Variants in PSMB7 observed in about 807,000 individuals in gnomAD.
The protein encoded by PSMB7 is proteasome subunit beta type-7.
A neutral mutation model predicts 28.1 loss-of-function variants in PSMB7; 5 were observed. That is an observed-to-expected ratio of 0.18 (90% confidence interval 0.09 to 0.37). The LOEUF is 0.37. PSMB7 is among the 10% of genes least tolerant of loss of function. The probability of loss-of-function intolerance (pLI) is 1.00; values close to 1 mark genes in which losing one functional copy is unlikely to be tolerated. For synonymous variants in PSMB7, 122 were observed against 123.7 expected (o/e 0.99, Z 0.09); for missense variants, 275 against 346.2 (o/e 0.79, Z 1.63).
At chr9:124,373,681 C>A (rs1161714588) in intron 6 of PSMB7, among the ~76,000 whole-genome samples, 3 of 152,196 alleles carry the variant, frequency 2.0e-5, no homozygotes, top group Admixed American at 2.0e-4. Flanking sequence ...TACCAAGTCA[C>A]ACACACCCAC....
At chr9:124,414,703 T>G in intron 2 of PSMB7, 139 bp downstream of exon 2, 1 of 688,690 alleles carries the variant, frequency 1.5e-6, no homozygotes, top group Non-Finnish European at 2.6e-6. Context: ...ACAAAAGCAG[T>G]CGCTCCTGAA....
chr9:124,394,754 GAAGT>G (rs1286314583), intron 5 of PSMB7, among the ~76,000 whole-genome samples: 4 of 152,152 alleles, frequency 2.6e-5, no homozygotes, highest in African/African-American at 7.2e-5. Flanking sequence ...ATGAATTTTA[GAAGT>G]AAGTATTTTC....
At chr9:124,401,946 G>A (rs1481485875) in intron 5 of PSMB7, among the ~76,000 whole-genome samples, 1 of 151,328 alleles carries the variant, frequency 6.6e-6, no homozygotes, top group South Asian at 2.1e-4. Flanking sequence ...TTGAACCCGG[G>A]AAGCAGGGGT....
At chr9:124,353,735 G>GAGTT (rs1417759370) in intron 7 of PSMB7, 26 bp from the exon 8 acceptor site, 4 of 1,534,886 alleles carry the variant, frequency 2.6e-6, no homozygotes, top group Admixed American at 1.7e-5. Flanking sequence ...CAAAAGCACA[G>GAGTT]AGTTAGGATT....
chr9:124,361,921 T>C (rs762017823), intron 6 of PSMB7, among the ~76,000 whole-genome samples: 3 of 152,226 alleles, frequency 2.0e-5, no homozygotes, highest in African/African-American at 4.8e-5. Context: ...ACTTAAGTGA[T>C]TTTTAGATTG....
chr9:124,358,754 C>T (rs764684129), intron 6 of PSMB7, among the ~76,000 whole-genome samples: 1 of 152,256 alleles, frequency 6.6e-6, no homozygotes, highest in Non-Finnish European at 1.5e-5. Flanking sequence ...ACCTCTGCTC[C>T]CCCTTCTCTT....
rs1419945785 is a variant in PSMB7, at chr9:124,415,418, G to C, written c.8C>G (p.Ala3Gly). 5 of 1,614,144 alleles carry C rather than the reference G, an allele frequency of 3.1e-6. No individual in the cohort carries two copies. Among genetic ancestry groups the C allele is most frequent in the African/African-American group, 2.7e-5 (2 of 75,062 alleles). Residue 3 changes from alanine to glycine, a missense_variant, in exon 1 of 8, where the codon GCT becomes GGT. Ala to Gly is a moderately conservative substitution (Grantham distance 60). This residue lies in a region of PSMB7 where 62 missense variants were observed against 43.9 expected (regional missense o/e 1.41). Coordinates refer to ENST00000259457, the MANE Select transcript of PSMB7 (RefSeq NM_002799.4). MAAVSVYAPPVGG... is the reference protein window; with the variant it reads MAGVSVYAPPVGG... ...AACTGGTGGAGCATACACCGACACA[G>C]CCGCCATCTTCCCAAGAAAGCAGTT...
intron 6 of PSMB7, among the ~76,000 whole-genome samples, chr9:124,377,363 T>G (rs999045792): frequency 2.0e-5 from 3 of 152,206 alleles, no homozygotes; most frequent in Non-Finnish European, 4.4e-5. Flanking sequence ...ATGTTCTCTT[T>G]TGGGACCATT....
At chr9:124,359,241 A>C (rs1830445637) in intron 6 of PSMB7, among the ~76,000 whole-genome samples, 1 of 152,228 alleles carries the variant, frequency 6.6e-6, no homozygotes, top group Non-Finnish European at 1.5e-5. Context: ...TCATTCCTTA[A>C]GGAAGAAAAT....
At chr9:124,361,120 A>C (rs529098588) in intron 6 of PSMB7, among the ~76,000 whole-genome samples, 2 of 152,344 alleles carry the variant, frequency 1.3e-5, no homozygotes, top group African/African-American at 4.8e-5. Context: ...AAAATATAAA[A>C]GGAACACTTC....
chr9:124,385,117 C>A (rs980447263), intron 5 of PSMB7, among the ~76,000 whole-genome samples: 6 of 152,220 alleles, frequency 3.9e-5, no homozygotes, highest in African/African-American at 1.2e-4. Context: ...GGTAGAGTCA[C>A]CTTGACACGC....
chr9:124,407,933 G>A (rs994836186), intron 4 of PSMB7, among the ~76,000 whole-genome samples: 3 of 152,132 alleles, frequency 2.0e-5, no homozygotes, highest in African/African-American at 7.2e-5. Flanking sequence ...GATTACTTGA[G>A]GCCAGGAGTT....
At chr9:124,386,488 A>G (rs56146654) in intron 5 of PSMB7, among the ~76,000 whole-genome samples, 4,797 of 152,262 alleles carry the variant, frequency 0.032, 257 homozygotes, top group African/African-American at 0.11. Flanking sequence ...AAAGCGAAAG[A>G]CAGCTGCCAT....
intron 5 of PSMB7, among the ~76,000 whole-genome samples, chr9:124,398,803 C>A (rs1830867851): frequency 6.6e-6 from 1 of 152,120 alleles, no homozygotes; most frequent in Non-Finnish European, 1.5e-5. Flanking sequence ...GGGTTCAAAT[C>A]CCAGCTTTGT....
intron 6 of PSMB7, among the ~76,000 whole-genome samples, chr9:124,382,026 A>G (rs1179356858): frequency 1.3e-5 from 2 of 151,642 alleles, no homozygotes; most frequent in Non-Finnish European, 2.9e-5. Flanking sequence ...TGGGAGGCCA[A>G]GGTAGGCAGA....
chr9:124,385,792 G>C (rs1425971173), intron 5 of PSMB7, among the ~76,000 whole-genome samples: 1 of 152,178 alleles, frequency 6.6e-6, no homozygotes. Context: ...TATCAAGTCT[G>C]CTGAATGTAT....
At chr9:124,414,711 G>A (rs1444967244) in intron 2 of PSMB7, 131 bp downstream of exon 2, 1 of 726,142 alleles carries the variant, frequency 1.4e-6, no homozygotes, top group Non-Finnish European at 2.4e-6. Flanking sequence ...AGTCGCTCCT[G>A]AAAGACGGTC....
intron 6 of PSMB7, chr9:124,383,687 T>A (rs1317999099): frequency 6.6e-6 from 1 of 152,080 alleles, no homozygotes; most frequent in Non-Finnish European, 1.5e-5. Flanking sequence ...CACCCTCTGG[T>A]CCCTAAACAA....
chr9:124,404,363 T>C (rs1006228503), intron 5 of PSMB7, among the ~76,000 whole-genome samples: 1 of 152,242 alleles, frequency 6.6e-6, no homozygotes, highest in Non-Finnish European at 1.5e-5. Flanking sequence ...CTCTCAAAGA[T>C]AGTATCTTGT....
Sources: allele counts gnomAD v4.1 joint callset (sites outside exome capture counted in the v4.1 genomes callset), GRCh38; gene constraint gnomAD v4.1.1; regional missense constraint gnomAD v4.1.1; transcripts MANE v1.5; gene names NCBI Gene and HGNC (gene_info 2026-07-23, HGNC 2026-07-21).